Variants in GULP1 observed in about 807,000 individuals in gnomAD.
The protein encoded by GULP1 is PTB domain-containing engulfment adapter protein 1.
GULP1 carries 19 observed loss-of-function variants against 40.9 expected under a neutral mutation model. That is an observed-to-expected ratio of 0.46 (90% CI 0.32 to 0.68). GULP1 has a LOEUF of 0.68. Ranked by LOEUF, GULP1 falls within the 30% of genes least tolerant of loss-of-function variation. GULP1 has a pLI of 0.03. For missense variants in GULP1, 312 were observed against 362.2 expected, an observed-to-expected ratio of 0.86 and a Z score of 1.12; for synonymous variants, 119 against 117.6, an observed-to-expected ratio of 1.01 and a Z score of -0.08.
intron 2 of GULP1, among the ~76,000 whole-genome samples, chr2:188,409,137 G>C (rs1327767559): frequency 6.6e-6 from 1 of 152,044 alleles, no homozygotes; most frequent in East Asian, 1.9e-4. Flanking sequence ...ATAAAAATCA[G>C]TGCAAATAAA....
chr2:188,382,905 A>G (rs1405879974), intron 1 of GULP1, among the ~76,000 whole-genome samples: 2 of 152,208 alleles, frequency 1.3e-5, no homozygotes, highest in Non-Finnish European at 2.9e-5. Flanking sequence ...TGAAACACAG[A>G]GGAAGAGATA....
chr2:188,408,267 A>G (rs1273614038), intron 2 of GULP1, among the ~76,000 whole-genome samples: 1 of 152,186 alleles, frequency 6.6e-6, no homozygotes, highest in African/African-American at 2.4e-5. Flanking sequence ...TGGACATCTC[A>G]GCCTCTAGAA....
At chr2:188,531,791 A>G (rs535674017) in intron 6 of GULP1, among the ~76,000 whole-genome samples, 1 of 152,240 alleles carries the variant, frequency 6.6e-6, no homozygotes, top group African/African-American at 2.4e-5. Context: ...AAATTACAGA[A>G]GGACAATGCA....
At chr2:188,411,324 C>T (rs543844961) in intron 2 of GULP1, among the ~76,000 whole-genome samples, 4 of 152,266 alleles carry the variant, frequency 2.6e-5, no homozygotes, top group African/African-American at 9.6e-5. Flanking sequence ...GGATATGGTG[C>T]CATATCGAAG....
intron 1 of GULP1, among the ~76,000 whole-genome samples, chr2:188,364,795 TATC>T (rs66500154): frequency 0.14 from 21,491 of 149,540 alleles, 1,999 homozygotes; most frequent in South Asian, 0.26. Flanking sequence ...TACATATACA[TATC>T]ATATATACAT....
chr2:188,553,502 G>A (rs1694021464), intron 7 of GULP1, among the ~76,000 whole-genome samples: 1 of 151,936 alleles, frequency 6.6e-6, no homozygotes, highest in Non-Finnish European at 1.5e-5. Flanking sequence ...ACGCATCTCT[G>A]GTATAAATCC....
chr2:188,396,900 C>G (rs2051353520), intron 2 of GULP1, among the ~76,000 whole-genome samples: 1 of 152,196 alleles, frequency 6.6e-6, no homozygotes, highest in Non-Finnish European at 1.5e-5. Context: ...CTGCTGCTCC[C>G]ACTTTTATAT....
At chr2:188,509,375 A>T (rs551654673) in intron 4 of GULP1, among the ~76,000 whole-genome samples, 258 of 152,142 alleles carry the variant, frequency 1.7e-3, no homozygotes, top group Non-Finnish European at 3.0e-3. Flanking sequence ...TTCATAGCAC[A>T]CTAATGACAG....
chr2:188,511,109 G>A (rs1015153979), intron 4 of GULP1, among the ~76,000 whole-genome samples: 2 of 152,124 alleles, frequency 1.3e-5, no homozygotes, highest in Non-Finnish European at 2.9e-5. Flanking sequence ...GGAAAGCGAG[G>A]CTATGAAAGG....
chr2:188,586,134 CTT>C (rs544640560), intron 10 of GULP1, among the ~76,000 whole-genome samples: 2 of 152,110 alleles, frequency 1.3e-5, no homozygotes, highest in Non-Finnish European at 2.9e-5. Context: ...CTGCTAGTCT[CTT>C]TGCTGAAGTG....
intron 4 of GULP1, among the ~76,000 whole-genome samples, chr2:188,488,606 AT>A (rs2062066197): frequency 6.6e-6 from 1 of 151,836 alleles, no homozygotes; most frequent in Non-Finnish European, 1.5e-5. Context: ...CAGGTATTTT[AT>A]TTTTTCTGTT....
chr2:188,579,002 C>T (rs1351080601), intron 9 of GULP1, among the ~76,000 whole-genome samples: 1 of 152,094 alleles, frequency 6.6e-6, no homozygotes, highest in Non-Finnish European at 1.5e-5. Flanking sequence ...TACATCCGCA[C>T]GTTCATATCC....
intron 4 of GULP1, among the ~76,000 whole-genome samples, chr2:188,489,850 G>C (rs912990537): frequency 3.9e-5 from 6 of 152,022 alleles, no homozygotes; most frequent in African/African-American, 7.2e-5. Flanking sequence ...ATTGTGATTT[G>C]TATTAATAGC....
intron 1 of GULP1, among the ~76,000 whole-genome samples, chr2:188,322,934 AG>A (rs1369788282): frequency 6.6e-6 from 1 of 152,076 alleles, no homozygotes; most frequent in African/African-American, 2.4e-5. Context: ...CCTTTTGTCA[AG>A]ACCTCTTTAT....
intron 2 of GULP1, among the ~76,000 whole-genome samples, chr2:188,469,097 G>A (rs181738356): frequency 2.4e-4 from 37 of 152,290 alleles, no homozygotes; most frequent in Non-Finnish European, 4.4e-4. Flanking sequence ...ATGGATTAGA[G>A]TTTAGGGGCC....
chr2:188,553,558 T>C (rs142897259), intron 7 of GULP1, among the ~76,000 whole-genome samples: 2 of 152,146 alleles, frequency 1.3e-5, no homozygotes, highest in East Asian at 3.9e-4. Flanking sequence ...TTGAGTTAAC[T>C]AGCATTTTGT....
chr2:188,325,466 G>C (rs2040622141), intron 1 of GULP1, among the ~76,000 whole-genome samples: 1 of 151,990 alleles, frequency 6.6e-6, no homozygotes, highest in East Asian at 1.9e-4. Flanking sequence ...TCAGAAAAAA[G>C]ATACGATATT....
chr2:188,592,286 C>G (rs889092351), intron 11 of GULP1: 1 of 151,874 alleles, frequency 6.6e-6, no homozygotes, highest in African/African-American at 2.4e-5. Flanking sequence ...TTCTATCTGT[C>G]ATTATCTATC....
intron 4 of GULP1, among the ~76,000 whole-genome samples, chr2:188,514,082 T>TGTGTGTGTGTGTGCGC (rs766246317): frequency 6.7e-6 from 1 of 149,254 alleles, no homozygotes; most frequent in South Asian, 2.1e-4. Flanking sequence ...TGTGTGTGTG[T>TGTGTGTGTGTGTGCGC]GCGCCCTGCC....
Sources: gnomAD v4.1 joint callset for allele counts (sites outside exome capture counted in the v4.1 genomes callset) on GRCh38, gnomAD v4.1.1 for gene constraint, MANE v1.5 for transcripts, NCBI Gene and HGNC (gene_info 2026-07-23, HGNC 2026-07-21) for gene names.